PDCD11: variants seen among roughly 807,000 people sequenced by gnomAD.
PDCD11 encodes the protein protein RRP5 homolog.
A neutral mutation model predicts 198.9 loss-of-function variants in PDCD11; 97 were observed. The observed-to-expected ratio is 0.49, with a 90% CI of 0.41 to 0.58. The LOEUF is 0.58. Ranked by LOEUF, PDCD11 falls within the 20% of genes least tolerant of loss-of-function variation. The pLI, the probability that PDCD11 is intolerant of heterozygous loss-of-function variation, is 0.00. For synonymous variants in PDCD11, 893 were observed against 918.0 expected (o/e 0.97, Z 0.49); for missense variants, 2,102 against 2,312.7 (o/e 0.91, Z 1.87).
chr10:103,425,450 C>G lies in PDCD11; in HGVS notation c.3230C>G (p.Ser1077Cys), dbSNP rs2031649965. 1.2e-6 allele frequency: 2 copies of G among 1,613,864 alleles called. No individual in the cohort carries two copies. Among genetic ancestry groups the G allele is most frequent in the Admixed American group, 1.7e-5 (1 of 59,980 alleles). ...HILDDVPEGT[S>C]PTTKLKVGKT... is the part of the protein sequence containing the mutation. ...CTAGATGATGTTCCAGAGGGCACCT[C>G]TCCTACTACCAAGCTGAAGGTTGGG... The change falls in exon 20 of 36, where the codon TCT becomes TGT. Residue 1077 changes from serine to cysteine, a missense_variant. Physicochemically the swap from Ser to Cys is moderately radical, Grantham distance 112. Transcript: ENST00000369797.
At position 103,406,697 on chromosome 10, in the gene PDCD11, C is replaced by G. The variant is rs1247885498; in HGVS notation, c.777C>G (p.His259Gln). The G allele has an allele frequency of 1.2e-6, 2 of 1,614,028 alleles. No homozygotes were observed. The highest frequency in any genetic ancestry group is 1.7e-6 in the Non-Finnish European group (2 of 1,179,982). ...NGGVVSLSVG[H>Q]SEVSTAIATE... is the part of the protein sequence containing the mutation. ...GAGTTGTTAGTCTGTCTGTTGGTCA[C>G]TCAGAGGTTTCTACGGCCATTGCTA... The change falls in exon 7 of 36, where the codon CAC (histidine) becomes CAG (glutamine). Residue 259 changes from histidine (H) to glutamine (Q), a missense_variant. Physicochemically the swap from His to Gln is conservative, Grantham distance 24 (BLOSUM62 0). Coordinates refer to ENST00000369797, the MANE Select transcript of PDCD11 (RefSeq NM_014976.2).
intron 9 of PDCD11, 21 bp downstream of exon 9, chr10:103,413,343 G>T: frequency 4.4e-6 from 7 of 1,598,916 alleles, no homozygotes; most frequent in East Asian, 2.2e-5. Context: ...CTCTTTGTTT[G>T]GTCAGGGATC....
At chr10:103,401,366 G>A (rs2030038582) in intron 3 of PDCD11, among the ~76,000 whole-genome samples, 1 of 151,968 alleles carries the variant, frequency 6.6e-6, no homozygotes, top group Non-Finnish European at 1.5e-5. Context: ...TCTGCCTCCC[G>A]GGTTCAAGCG....
chr10:103,442,069 G>C (rs2032407372), intron 31 of PDCD11, 94 bp downstream of exon 31: 2 of 1,564,190 alleles, frequency 1.3e-6, no homozygotes, highest in African/African-American at 2.7e-5. Context: ...TCCTGGGTGA[G>C]TGGGGGAGGG....
At chr10:103,434,584 T>A in intron 24 of PDCD11, 2 of 589,580 alleles carry the variant, frequency 3.4e-6, no homozygotes, top group South Asian at 4.5e-5. Context: ...ACAGGTGTTT[T>A]TCTCAAGTCC....
chr10:103,423,980 G>T (rs1226415052), intron 19 of PDCD11, among the ~76,000 whole-genome samples: 1 of 152,218 alleles, frequency 6.6e-6, no homozygotes, highest in Non-Finnish European at 1.5e-5. Flanking sequence ...CCCAGCCCCT[G>T]TGGGGCTGAG....
chr10:103,436,484 C>T (rs2032160882), intron 25 of PDCD11, among the ~76,000 whole-genome samples: 1 of 152,118 alleles, frequency 6.6e-6, no homozygotes, highest in African/African-American at 2.4e-5. Context: ...CAGTAGATGC[C>T]CTTGGAGGCA....
chr10:103,427,805 C>G (rs949063834), intron 21 of PDCD11, among the ~76,000 whole-genome samples: 4 of 152,072 alleles, frequency 2.6e-5, no homozygotes, highest in Admixed American at 2.0e-4. Flanking sequence ...GGGGTAGATT[C>G]TGAAGAGAAG....
Position 103,416,528 on chromosome 10 carries a change from TGACCCTGAAAAA to T in PDCD11, c.1557_1568del (p.Met519_Lys523delinsIle). The T allele has an allele frequency of 6.2e-7, 1 of 1,614,198 alleles. No individual in the cohort carries two copies. The highest frequency in any genetic ancestry group is 8.5e-7 in the Non-Finnish European group (1 of 1,180,030). On this transcript the variant is annotated inframe_deletion, in exon 13 of 36. Transcript: ENST00000369797. ...GACCCTGAAGCCAAGAAGCTGATGA[TGACCCTGAAAAA>T]AACCCTGATTGAGTCCAAACTACCT...
chr10:103,421,383 C>T lies in PDCD11; in HGVS notation c.2313C>T (p.Asp771=). The T allele has an allele frequency of 6.2e-7, 1 of 1,609,988 alleles. No homozygotes were observed. ...MSDKFVTSTS[D]HFVEGQTVAA... ...ACAAATTTGTGACCTCCACAAGTGACCACTTTGTTGAGGGCCAGACAGTAG... is the reference window on the plus strand; with the variant it reads ...ACAAATTTGTGACCTCCACAAGTGATCACTTTGTTGAGGGCCAGACAGTAG... The change falls in exon 17 of 36, where the codon GAC becomes GAT. Residue 771 remains aspartate (D), a synonymous_variant. Coordinates refer to ENST00000369797, the MANE Select transcript of PDCD11 (RefSeq NM_014976.2).
chr10:103,427,266 T>C, intron 20 of PDCD11, 63 bp from the exon 21 acceptor site: 1 of 1,446,312 alleles, frequency 6.9e-7, no homozygotes, highest in South Asian at 1.1e-5. Flanking sequence ...GGAGAAATCC[T>C]GACCTACAGA....
intron 5 of PDCD11, 150 bp downstream of exon 5, chr10:103,405,333 G>A: frequency 1.5e-6 from 1 of 649,470 alleles, no homozygotes. Flanking sequence ...GGGTTCTTTG[G>A]GCACTTAATG....
At chr10:103,420,938 C>T (rs1333246442) in intron 16 of PDCD11, among the ~76,000 whole-genome samples, 1 of 151,724 alleles carries the variant, frequency 6.6e-6, no homozygotes, top group Non-Finnish European at 1.5e-5. Context: ...TGCAGTGGCG[C>T]AATCTCGGCT....
In PDCD11 at chr10:103,444,366, C is replaced by A. The variant is rs945071818; in HGVS notation, c.5279-151C>A. On this transcript the variant is annotated intron_variant, in intron 34 of 35. Transcript: ENST00000369797. ...CCCATCTGTGTATTTGGCCCCAAAC[C>A]CACCCCTTTTGGGTCTTTGTCCCTC... 5.3e-6 allele frequency: 4 copies of A among 750,778 alleles called. No individual in the cohort carries two copies. In the African/African-American group the frequency reaches 6.9e-5, roughly 13 times the overall value. 46.5% of individuals were successfully genotyped at this position (750,778 alleles called of 1,614,324 possible). A position where few individuals can be genotyped will look rare whatever the true frequency, so the allele number is the denominator to read the frequency against.
At position 103,400,513 on chromosome 10, in the gene PDCD11, A is replaced by G; in HGVS notation, c.219A>G (p.Glu73=). 1 of 1,613,928 alleles carries G rather than the reference A, an allele frequency of 6.2e-7. No homozygotes were observed. The highest frequency in any genetic ancestry group is 8.5e-7 in the Non-Finnish European group (1 of 1,179,960). ...GCAAGTCCGCAAGAGAGAAGTTTGA[A>G]ATCCTTAGTGTTGAGGTTTGTTAAA... ...ESSKSAREKF[E]ILSVESLCEG... Residue 73 remains glutamate, a synonymous_variant, in exon 3 of 36, where the codon GAA becomes GAG. Transcript: ENST00000369797.
chr10:103,422,998 G>T lies in PDCD11; in HGVS notation c.2508G>T (p.Leu836Phe), dbSNP rs1191995060. Residue 836 changes from leucine to phenylalanine, a missense_variant, in exon 18 of 36, where the codon TTG (leucine) becomes TTT (phenylalanine). Transcript: ENST00000369797. ...TTGGATCTCTGGCAGACTCTGTGTT[G>T]ATCCAGACGCTGGCCGAGATGACCC... ...RSLMSNRDSV[L>F]IQTLAEMTPG... 2 of 1,558,748 alleles carry T rather than the reference G, an allele frequency of 1.3e-6. No individual in the cohort carries two copies. The highest frequency in any genetic ancestry group is 1.2e-5 in the South Asian group (1 of 80,726).
Position 103,421,389 on chromosome 10 carries a change from T to G in PDCD11, c.2319T>G (p.Phe773Leu), listed in dbSNP as rs778547237. 1 of 1,610,238 alleles carries G rather than the reference T, an allele frequency of 6.2e-7. No homozygotes were observed. The highest frequency in any genetic ancestry group is 1.7e-5 in the Admixed American group (1 of 59,410). Residue 773 changes from phenylalanine to leucine, a missense_variant, in exon 17 of 36, where the codon TTT becomes TTG. Phe to Leu is a conservative substitution (Grantham distance 22, BLOSUM62 0). Transcript: ENST00000369797. ...DKFVTSTSDH[F>L]VEGQTVAAKV... ...TTGTGACCTCCACAAGTGACCACTT[T>G]GTTGAGGGCCAGACAGTAGCGGCAA...
At chr10:103,405,746 T>C (rs1421712279) in intron 5 of PDCD11, among the ~76,000 whole-genome samples, 1 of 152,218 alleles carries the variant, frequency 6.6e-6, no homozygotes, top group Non-Finnish European at 1.5e-5. Flanking sequence ...TCTTCTATAT[T>C]GTTCCATCAT....
At chr10:103,434,746 T>C in intron 24 of PDCD11, 52 bp from the exon 25 acceptor site, 1 of 1,498,242 alleles carries the variant, frequency 6.7e-7, no homozygotes, top group Non-Finnish European at 9.1e-7. Context: ...GCATTCCCGC[T>C]CCTCCCTTAG....
Sources: gnomAD v4.1 joint callset for allele counts (sites outside exome capture counted in the v4.1 genomes callset) on GRCh38, gnomAD v4.1.1 for gene constraint, MANE v1.5 for transcripts, NCBI Gene and HGNC (gene_info 2026-07-23, HGNC 2026-07-21) for gene names.